FSTL1: variants seen among roughly 807,000 people sequenced by gnomAD.
FSTL1 encodes the protein follistatin-related protein 1.
A neutral mutation model predicts 45.9 loss-of-function variants in FSTL1; 24 were observed. The ratio of observed to expected loss-of-function variants is 0.52; its 90% CI spans 0.38 to 0.74. FSTL1 has a LOEUF of 0.74. Ranked by LOEUF, FSTL1 falls within the 30% of genes least tolerant of loss-of-function variation. The probability of loss-of-function intolerance (pLI) is 0.00; values close to 1 mark genes in which losing one functional copy is unlikely to be tolerated. For synonymous variants in FSTL1, 120 were observed against 137.6 expected (o/e 0.87, Z 0.89); for missense variants, 340 against 381.8 (o/e 0.89, Z 0.91).
rs1447553516 is a variant in FSTL1 at position 120,412,816 on chromosome 3, ATGTGCGCGCGCGCGCGCGCG to A, written c.169-853_169-834del. Among the ~76,000 whole-genome samples the A allele has an allele frequency of 1.4e-4, 18 of 129,360 alleles. No individual in the cohort carries two copies. The East Asian group carries it at 2.4e-3, about 17-fold the overall frequency. The allele number at this position is 129,360 out of a possible 152,430, so 84.9% of individuals were successfully genotyped here. A position where few individuals can be genotyped will look rare whatever the true frequency, so the allele number is the denominator to read the frequency against. On this transcript the variant is annotated intron_variant, in intron 3 of 10. Transcript: ENST00000295633. ...TAGGCAGGCAGGCAAACACACACAC[ATGTGCGCGCGCGCGCGCGCG>A]CGCACACACACACACACACACACAC...
chr3:120,435,597 A>G lies in FSTL1; in HGVS notation c.63+15087T>C, dbSNP rs945150501. Among the ~76,000 whole-genome samples, 6 of 152,176 alleles carry G rather than the reference A, an allele frequency of 3.9e-5. No individual in the cohort carries two copies. The East Asian group carries it at 9.6e-4, about 24-fold the overall frequency. On this transcript the variant is annotated intron_variant, in intron 2 of 10. Transcript: ENST00000295633. ...GTCACATCTGAGCCCACAGACTGGC[A>G]GTCTAGAGCCTCAGCTATCTATCTG...
chr3:120,411,006 C>CGTTTT, intron 4 of FSTL1, 22 bp from the exon 5 acceptor site: 1 of 1,589,848 alleles, frequency 6.3e-7, no homozygotes, highest in Non-Finnish European at 8.6e-7. Flanking sequence ...AAAGAGAAAA[C>CGTTTT]GTGTAATGCG....
At chr3:120,423,155 TTTTC>T (rs1209520141) in intron 2 of FSTL1, 2 of 152,160 alleles carry the variant, frequency 1.3e-5, no homozygotes, top group South Asian at 2.1e-4. Flanking sequence ...ACCTCCACCA[TTTTC>T]TTTATTATTT....
chr3:120,412,817 TGTGCGCGCGCGCGC>T (rs1185478937), intron 3 of FSTL1, among the ~76,000 whole-genome samples: 2 of 87,622 alleles, frequency 2.3e-5, no homozygotes, highest in African/African-American at 7.7e-5. Flanking sequence ...CACACACACA[TGTGCGCGCGCGCGC>T]GCGCGCGCAC....
chr3:120,426,203 C>T (rs1937376818), intron 2 of FSTL1, among the ~76,000 whole-genome samples: 1 of 152,024 alleles, frequency 6.6e-6, no homozygotes, highest in Non-Finnish European at 1.5e-5. Flanking sequence ...ACCTTCAAAT[C>T]AAAGAAGGGA....
At chr3:120,443,940 T>C (rs1937682547) in intron 2 of FSTL1, among the ~76,000 whole-genome samples, 1 of 150,142 alleles carries the variant, frequency 6.7e-6, no homozygotes, top group Non-Finnish European at 1.5e-5. Context: ...GCCAGGCTAA[T>C]GCAAAAGCTG....
chr3:120,420,724 G>A (rs985946518), intron 2 of FSTL1, among the ~76,000 whole-genome samples: 2 of 152,168 alleles, frequency 1.3e-5, no homozygotes, highest in African/African-American at 4.8e-5. Context: ...TTTTTAGATA[G>A]GCAGGCAGGG....
rs1403240919 is a variant in FSTL1 at position 120,431,240 on chromosome 3, GGATTATAGTT to G, written c.64-15223_64-15214del. 3.3e-5 allele frequency among the ~76,000 whole-genome samples: 5 copies of G among 152,146 alleles called. No homozygotes were observed. In the East Asian group the frequency reaches 9.7e-4, roughly 29 times the overall value. ...ACCACCTCGGTCTCCCAAAGTGCTG[GGATTATAGTT>G]GTGAGCCACCGCACCCGGCCTCTGG... On this transcript the variant is annotated intron_variant, in intron 2 of 10. Transcript: ENST00000295633.
At chr3:120,405,014 AC>A in intron 6 of FSTL1, 43 bp from the exon 7 acceptor site, 3 of 996,412 alleles carry the variant, frequency 3.0e-6, no homozygotes, top group South Asian at 1.3e-5. Flanking sequence ...GTTTTGCAGA[AC>A]CCCTGTTCCA....
intron 2 of FSTL1, among the ~76,000 whole-genome samples, chr3:120,449,423 T>C (rs1937831701): frequency 1.3e-5 from 2 of 152,222 alleles, no homozygotes; most frequent in South Asian, 4.1e-4. Flanking sequence ...GGAGCCAGAC[T>C]GTTTGGGTTC....
chr3:120,423,378 C>T (rs2107661998), intron 2 of FSTL1: 1 of 151,824 alleles, frequency 6.6e-6, no homozygotes, highest in East Asian at 1.9e-4. Flanking sequence ...ATGATCGGTT[C>T]CTGTGTTCTG....
chr3:120,413,498 C>A (rs930724491), intron 3 of FSTL1, among the ~76,000 whole-genome samples: 3 of 152,068 alleles, frequency 2.0e-5, no homozygotes, highest in Admixed American at 6.6e-5. Context: ...CAGTGAGGAC[C>A]TCCCAGAGCT....
At chr3:120,425,422 T>C (rs1937359652) in intron 2 of FSTL1, among the ~76,000 whole-genome samples, 1 of 151,570 alleles carries the variant, frequency 6.6e-6, no homozygotes, top group Non-Finnish European at 1.5e-5. Flanking sequence ...ACCTGGAGTG[T>C]AAGCCAGGCA....
At chr3:120,450,813 G>C (rs1937881469) in intron 1 of FSTL1, 67 bp from the exon 2 acceptor site, 3 of 1,187,096 alleles carry the variant, frequency 2.5e-6, no homozygotes, top group Non-Finnish European at 3.5e-6. Flanking sequence ...AAACTTGCTC[G>C]GGTCCCGCAG....
chr3:120,437,467 A>G (rs1242726669), intron 2 of FSTL1, among the ~76,000 whole-genome samples: 1 of 152,238 alleles, frequency 6.6e-6, no homozygotes, highest in Non-Finnish European at 1.5e-5. Context: ...AAATTAAAAC[A>G]AAACAAATTC....
chr3:120,411,246 G>C (rs1041244860), intron 4 of FSTL1: 1 of 361,642 alleles, frequency 2.8e-6, no homozygotes, highest in African/African-American at 2.1e-5. Flanking sequence ...AGGGGTCACT[G>C]GGATTTTGAG....
chr3:120,434,720 C>T (rs114664335), intron 2 of FSTL1, among the ~76,000 whole-genome samples: 8,633 of 152,256 alleles, frequency 0.057, 282 homozygotes, highest in Middle Eastern at 0.075. Flanking sequence ...CTCTTCATGT[C>T]TCTCCCTATG....
Position 120,450,703 on chromosome 3 carries a change from A to T in FSTL1, c.44T>A (p.Val15Asp). ...GCCTACCTCGGCGCGGACCCAGGCGACCGCCACCAGCGCGAGCGCGAGCGC... is the reference window on the plus strand; with the variant it reads ...GCCTACCTCGGCGCGGACCCAGGCGTCCGCCACCAGCGCGAGCGCGAGCGC... ...WLALALALVA[V>D]AWVRAEEELR... Residue 15 changes from valine (V) to aspartate (D), a missense_variant, in exon 2 of 11, where the codon GTC (valine) becomes GAC (aspartate). Transcript: ENST00000295633. The T allele has an allele frequency of 1.1e-6, 1 of 934,862 alleles. No individual in the cohort carries two copies. Among genetic ancestry groups the T allele is most frequent in the Non-Finnish European group, 1.5e-6 (1 of 659,350 alleles). The allele number at this position is 934,862 out of a possible 1,614,324, so 57.9% of individuals were successfully genotyped here. A position where few individuals can be genotyped will look rare whatever the true frequency, so the allele number is the denominator to read the frequency against.
chr3:120,400,463 AT>A (rs562180395), intron 9 of FSTL1, among the ~76,000 whole-genome samples: 137 of 152,352 alleles, frequency 9.0e-4, no homozygotes, highest in African/African-American at 3.2e-3. Flanking sequence ...GTTGACAACC[AT>A]TTCATCTAGC....
Sources: gnomAD v4.1 joint callset for allele counts (sites outside exome capture counted in the v4.1 genomes callset) on GRCh38, gnomAD v4.1.1 for gene constraint, MANE v1.5 for transcripts, NCBI Gene and HGNC (gene_info 2026-07-23, HGNC 2026-07-21) for gene names.